The following RELN variants were observed in gnomAD, a reference collection of about 807,000 sequenced individuals.
RELN encodes the protein reelin.
A neutral mutation model predicts 427.6 loss-of-function variants in RELN; 108 were observed. The observed-to-expected ratio is 0.25, with a 90% CI of 0.22 to 0.30. The LOEUF (loss-of-function observed/expected upper bound fraction) is 0.30, where lower values mean the gene tolerates loss of function less well. RELN is among the 10% of genes least tolerant of loss of function. The probability of loss-of-function intolerance (pLI) is 1.00; values close to 1 mark genes in which losing one functional copy is unlikely to be tolerated. For missense variants in RELN, 3,715 were observed against 4,302.8 expected, an observed-to-expected ratio of 0.86 and a Z score of 3.82; for synonymous variants, 1,524 against 1,513.4, an observed-to-expected ratio of 1.01 and a Z score of -0.16.
In RELN at chr7:103,915,902, C is replaced by T. The variant is rs147026064; in HGVS notation, c.337+1173G>A. Among the ~76,000 whole-genome samples, 12 of 152,228 alleles carry T rather than the reference C, an allele frequency of 7.9e-5. No homozygotes were observed. The East Asian group carries it at 2.3e-3, about 29-fold the overall frequency. On this transcript the variant is annotated intron_variant, in intron 2 of 64. Transcript: ENST00000428762. ...ACTATGACCTGACCCTTCCTCTCTG[C>T]AGAGCAGAAAAAGGATGGGACTAAA...
chr7:103,750,370 T>C (rs1200646838), intron 5 of RELN, among the ~76,000 whole-genome samples: 1 of 152,198 alleles, frequency 6.6e-6, no homozygotes, highest in East Asian at 1.9e-4. Context: ...CTTCCCCTTC[T>C]GCCACAATTG....
At chr7:103,701,154 G>C (rs544314643) in intron 8 of RELN, 148 bp from the exon 9 acceptor site, 1 of 664,178 alleles carries the variant, frequency 1.5e-6, no homozygotes, top group Non-Finnish European at 2.7e-6. Flanking sequence ...GAAATCTCCT[G>C]TGATCTGTTC....
intron 8 of RELN, among the ~76,000 whole-genome samples, chr7:103,710,797 G>C (rs1041120584): frequency 1.3e-5 from 2 of 152,238 alleles, no homozygotes; most frequent in African/African-American, 4.8e-5. Flanking sequence ...TGTAATCCCA[G>C]CACTTTGGGA....
At chr7:103,867,672 T>C (rs1794231697) in intron 2 of RELN, among the ~76,000 whole-genome samples, 1 of 152,086 alleles carries the variant, frequency 6.6e-6, no homozygotes, top group Admixed American at 6.6e-5. Context: ...TTAAAAAATC[T>C]TGGTGTTGTT....
chr7:103,944,355 C>G (rs1796177718), intron 1 of RELN, among the ~76,000 whole-genome samples: 1 of 152,164 alleles, frequency 6.6e-6, no homozygotes, highest in Admixed American at 6.5e-5. Context: ...GAAGAACACT[C>G]TGACACCGTG....
At chr7:103,525,132 C>T (rs1829794518) in intron 46 of RELN, among the ~76,000 whole-genome samples, 1 of 152,098 alleles carries the variant, frequency 6.6e-6, no homozygotes, top group Non-Finnish European at 1.5e-5. Flanking sequence ...CTCTCCCTCC[C>T]TTCCTCTCTC....
Position 103,569,369 on chromosome 7 carries a change from G to C in RELN, c.4589-2610C>G, listed in dbSNP as rs753427114. Among the ~76,000 whole-genome samples, 1 of 152,218 alleles carries C rather than the reference G, an allele frequency of 6.6e-6. No homozygotes were observed. Among genetic ancestry groups the C allele is most frequent in the Non-Finnish European group, 1.5e-5 (1 of 68,036 alleles). On this transcript the variant is annotated intron_variant, in intron 31 of 64. Transcript: ENST00000428762. The surrounding 1 kb of genome is among the most constrained non-coding windows in gnomAD (Gnocchi z 4.0). ...TTGTCCTGACTGCAACCTCACCAGA[G>C]ACCCTGGGCCAGAACCATTTAGCTA...
chr7:103,800,773 T>G (rs951936726), intron 3 of RELN, among the ~76,000 whole-genome samples: 2 of 152,124 alleles, frequency 1.3e-5, no homozygotes, highest in African/African-American at 4.8e-5. Context: ...CAAAAGAAAC[T>G]ACCATCAGAA....
intron 2 of RELN, among the ~76,000 whole-genome samples, chr7:103,835,954 CT>C (rs10569884): frequency 0.012 from 1,654 of 142,374 alleles, 26 homozygotes; most frequent in East Asian, 0.043. Context: ...CTCAATTACC[CT>C]TTTTTTTTTT....
intron 27 of RELN, among the ~76,000 whole-genome samples, chr7:103,591,822 T>C (rs557478088): frequency 1.3e-5 from 2 of 152,346 alleles, no homozygotes; most frequent in East Asian, 3.9e-4. Context: ...GTATTAAACA[T>C]AAAATTTATC....
chr7:103,935,795 C>T (rs1795968343), intron 1 of RELN, among the ~76,000 whole-genome samples: 1 of 152,154 alleles, frequency 6.6e-6, no homozygotes, highest in African/African-American at 2.4e-5. Flanking sequence ...TCAGAGACAT[C>T]AGTGAATAAG....
intron 41 of RELN, among the ~76,000 whole-genome samples, chr7:103,549,494 G>T (rs1830366955): frequency 6.6e-6 from 1 of 152,192 alleles, no homozygotes; most frequent in Non-Finnish European, 1.5e-5. Context: ...TCAGGCCATA[G>T]CAGTGCCTAA....
intron 10 of RELN, among the ~76,000 whole-genome samples, chr7:103,689,701 A>T (rs1833834626): frequency 1.3e-5 from 2 of 152,118 alleles, no homozygotes; most frequent in South Asian, 4.1e-4. Context: ...AAAACAAAAA[A>T]ATAAAAACAA....
intron 2 of RELN, among the ~76,000 whole-genome samples, chr7:103,843,905 A>G (rs1793614529): frequency 6.6e-6 from 1 of 152,142 alleles, no homozygotes; most frequent in South Asian, 2.1e-4. Context: ...CTAACACTGC[A>G]TACTCTCCCT....
intron 2 of RELN, among the ~76,000 whole-genome samples, chr7:103,881,815 T>A (rs1319964889): frequency 1.3e-5 from 2 of 152,152 alleles, no homozygotes; most frequent in Admixed American, 6.6e-5. Flanking sequence ...TGAATAAATG[T>A]TACTGTTTTA....
At chr7:103,586,234 T>C (rs1383413699) in intron 28 of RELN, among the ~76,000 whole-genome samples, 1 of 151,806 alleles carries the variant, frequency 6.6e-6, no homozygotes, top group Non-Finnish European at 1.5e-5. Context: ...ATGGTGATGC[T>C]TGCCTGTAAT....
chr7:103,560,859 TG>T (rs1331548984), intron 36 of RELN, among the ~76,000 whole-genome samples: 3 of 152,200 alleles, frequency 2.0e-5, no homozygotes, highest in African/African-American at 7.2e-5. Flanking sequence ...ATTTTCTAGG[TG>T]TTAGATGTTA....
intron 30 of RELN, 76 bp downstream of exon 30, chr7:103,574,016 A>T (rs1584308403): frequency 1.8e-6 from 2 of 1,103,454 alleles, no homozygotes; most frequent in South Asian, 2.5e-5. Context: ...ATAACAGAAC[A>T]GAATGTTTTA....
intron 28 of RELN, among the ~76,000 whole-genome samples, chr7:103,577,762 G>A (rs537122085): frequency 6.6e-6 from 1 of 152,188 alleles, no homozygotes; most frequent in Non-Finnish European, 1.5e-5. Context: ...TAGACTGCAT[G>A]TCTGTGATAA....
Sources: gnomAD v4.1 joint callset for allele counts (sites outside exome capture counted in the v4.1 genomes callset) on GRCh38, gnomAD v4.1.1 for gene constraint, Gnocchi (gnomAD v3.1) non-coding constraint, MANE v1.5 for transcripts, NCBI Gene and HGNC (gene_info 2026-07-23, HGNC 2026-07-21) for gene names.